FRMD5: variants seen among roughly 807,000 people sequenced by gnomAD.
FRMD5 encodes the protein FERM domain-containing protein 5.
In FRMD5, 20 loss-of-function variants were observed where a neutral mutation model predicts 69.0. The ratio of observed to expected loss-of-function variants is 0.29; its 90% CI spans 0.20 to 0.42. The LOEUF (loss-of-function observed/expected upper bound fraction) is 0.42, where lower values mean the gene tolerates loss of function less well. Ranked by LOEUF, FRMD5 falls within the 10% of genes least tolerant of loss-of-function variation. FRMD5 has a pLI of 1.00. For missense variants in FRMD5, 595 were observed against 708.6 expected (o/e 0.84, Z 1.82); for synonymous variants, 271 against 260.1 (o/e 1.04, Z -0.40).
chr15:44,109,193 A>G (rs183783064), intron 1 of FRMD5, among the ~76,000 whole-genome samples: 1 of 152,136 alleles, frequency 6.6e-6, no homozygotes, highest in Admixed American at 6.5e-5. Context: ...CATCACATTA[A>G]CTATGAAGTA....
At chr15:43,950,413 G>A (rs2090008742) in intron 1 of FRMD5, among the ~76,000 whole-genome samples, 1 of 152,180 alleles carries the variant, frequency 6.6e-6, no homozygotes, top group African/African-American at 2.4e-5. Flanking sequence ...TAGACAAACA[G>A]CCATGCTTAA....
At chr15:43,947,889 G>A (rs926627285) in intron 1 of FRMD5, among the ~76,000 whole-genome samples, 1 of 152,180 alleles carries the variant, frequency 6.6e-6, no homozygotes, top group African/African-American at 2.4e-5. Flanking sequence ...AAGCTAACGA[G>A]TAGCCAAGCT....
chr15:43,927,682 C>G (rs1036767660), intron 1 of FRMD5, among the ~76,000 whole-genome samples: 4 of 151,398 alleles, frequency 2.6e-5, no homozygotes, highest in African/African-American at 9.7e-5. Flanking sequence ...CTTTTCTCTA[C>G]AAATTTTACT....
At chr15:44,065,448 A>G (rs1893268620) in intron 1 of FRMD5, among the ~76,000 whole-genome samples, 1 of 152,196 alleles carries the variant, frequency 6.6e-6, no homozygotes, top group Non-Finnish European at 1.5e-5. Flanking sequence ...ATAAAACAAA[A>G]TCACTTTAAG....
chr15:43,989,139 G>T lies in FRMD5; in HGVS notation c.103-64830C>A. 5 of 979,652 alleles carry T rather than the reference G, an allele frequency of 5.1e-6. No homozygotes were observed. The Admixed American group carries it at 8.5e-5, about 17-fold the overall frequency. 60.7% of individuals were successfully genotyped at this position (979,652 alleles called of 1,614,324 possible). ...TGCTGATCCACATCTGCTGGACGGT[G>T]GACAGCCAGGCCAGGATGGAGCTGC... On this transcript the variant is annotated intron_variant, in intron 1 of 13. Transcript: ENST00000417257.
At chr15:43,882,372 T>C (rs1325195424) in intron 13 of FRMD5, among the ~76,000 whole-genome samples, 6 of 152,146 alleles carry the variant, frequency 3.9e-5, no homozygotes, top group Non-Finnish European at 8.8e-5. Flanking sequence ...CTTTCTTTTT[T>C]TTTTGAGATG....
chr15:44,045,080 T>A lies in FRMD5; in HGVS notation c.103-120771A>T, dbSNP rs561783813. On this transcript the variant is annotated intron_variant, in intron 1 of 13. Coordinates refer to ENST00000417257, the MANE Select transcript of FRMD5 (RefSeq NM_032892.5). ...TATAATTCAGATGTGGAGAGAAAAA[T>A]AAAATTTCTTCATTTCATTTAGAAC... Among the ~76,000 whole-genome samples the A allele has an allele frequency of 2.0e-5, 3 of 152,274 alleles. No homozygotes were observed. The South Asian group carries it at 6.2e-4, about 32-fold the overall frequency.
At chr15:44,044,994 C>T (rs1450826990) in intron 1 of FRMD5, among the ~76,000 whole-genome samples, 1 of 152,178 alleles carries the variant, frequency 6.6e-6, no homozygotes, top group Non-Finnish European at 1.5e-5. Flanking sequence ...TCCCAGACTG[C>T]TTTAAAGACT....
At chr15:44,108,286 A>G (rs1463892635) in intron 1 of FRMD5, among the ~76,000 whole-genome samples, 2 of 152,164 alleles carry the variant, frequency 1.3e-5, no homozygotes, top group Non-Finnish European at 2.9e-5. Flanking sequence ...TGGAAGGATC[A>G]GAGGATCACC....
intron 1 of FRMD5, among the ~76,000 whole-genome samples, chr15:44,136,990 A>G (rs2140434747): frequency 6.6e-6 from 1 of 152,232 alleles, no homozygotes; most frequent in East Asian, 1.9e-4. Flanking sequence ...GTTAGAGTTC[A>G]ATTGCAGGTA....
In FRMD5 at chr15:44,065,489, C is replaced by T. The variant is rs372014719; in HGVS notation, c.102+129464G>A. Among the ~76,000 whole-genome samples, 14 of 152,094 alleles carry T rather than the reference C, an allele frequency of 9.2e-5. No homozygotes were observed. The East Asian group carries it at 1.9e-3, about 21-fold the overall frequency. ...CAACCCAAACAGGTAAATATTTAAT[C>T]GATTTAGTGTCATTTGAACACTCAA... is the stretch of plus-strand genomic sequence containing the variant. On this transcript the variant is annotated intron_variant, in intron 1 of 13. Transcript: ENST00000417257.
chr15:43,989,642 G>C lies in FRMD5; in HGVS notation c.103-65333C>G, dbSNP rs1331810525. Reference sequence around the variant, plus strand: ...GAGGTAGTCAGTCAGGTCCTGACCAGCCAGGCACACACGCAGGATGGCATG... The same window carrying C: ...GAGGTAGTCAGTCAGGTCCTGACCACCCAGGCACACACGCAGGATGGCATG... On this transcript the variant is annotated intron_variant, in intron 1 of 13. Transcript: ENST00000417257. 4 of 884,004 alleles carry C rather than the reference G, an allele frequency of 4.5e-6. No homozygotes were observed. The African/African-American group carries it at 6.6e-5, about 15-fold the overall frequency. The allele number at this position is 884,004 out of a possible 1,614,324, so 54.8% of individuals were successfully genotyped here.
At chr15:44,089,696 C>T (rs1285113669) in intron 1 of FRMD5, among the ~76,000 whole-genome samples, 1 of 151,806 alleles carries the variant, frequency 6.6e-6, no homozygotes, top group Non-Finnish European at 1.5e-5. Context: ...GAGCCAGATC[C>T]TACGTCAAAA....
At chr15:44,154,873 A>C (rs1188722541) in intron 1 of FRMD5, among the ~76,000 whole-genome samples, 1 of 152,190 alleles carries the variant, frequency 6.6e-6, no homozygotes, top group Non-Finnish European at 1.5e-5. Flanking sequence ...TACAACTCTG[A>C]ATACCTTAAA....
At chr15:44,080,103 T>TTA (rs1290920344) in intron 1 of FRMD5, among the ~76,000 whole-genome samples, 6 of 152,172 alleles carry the variant, frequency 3.9e-5, no homozygotes, top group South Asian at 4.2e-4. Context: ...AATGCTTATG[T>TTA]TATATATATA....
chr15:44,081,388 A>T (rs1893991074), intron 1 of FRMD5, among the ~76,000 whole-genome samples: 1 of 152,166 alleles, frequency 6.6e-6, no homozygotes, highest in South Asian at 2.1e-4. Context: ...TCTGTTACAC[A>T]TACAGAAAGA....
At position 43,909,992 on chromosome 15, in the gene FRMD5, CAG is replaced by C; in HGVS notation, c.330-15_330-14del. ...GAAGACTAAATACCTGGAGAGAAAA[CAG>C]AGAATAAACTATAAAGGATTTCTTT... On this transcript the variant is annotated splice_polypyrimidine_tract_variant and intron_variant, in intron 4 of 13. Coordinates refer to ENST00000417257, the MANE Select transcript of FRMD5 (RefSeq NM_032892.5). 2.1e-6 allele frequency: 3 copies of C among 1,441,730 alleles called. No individual in the cohort carries two copies. The highest frequency in any genetic ancestry group is 2.3e-5 in the East Asian group (1 of 44,000). 89.3% of individuals were successfully genotyped at this position (1,441,730 alleles called of 1,614,324 possible). A position where few individuals can be genotyped will look rare whatever the true frequency, so the allele number is the denominator to read the frequency against.
chr15:44,128,990 T>C (rs2077062190), intron 1 of FRMD5, among the ~76,000 whole-genome samples: 1 of 152,196 alleles, frequency 6.6e-6, no homozygotes, highest in African/African-American at 2.4e-5. Flanking sequence ...AGTGGAGGTC[T>C]GAAGCTCTTT....
intron 1 of FRMD5, among the ~76,000 whole-genome samples, chr15:43,941,471 A>T (rs1433386353): frequency 1.3e-5 from 2 of 152,186 alleles, no homozygotes; most frequent in East Asian, 1.9e-4. Context: ...GAGCTTCCAT[A>T]GCATTCTGGA....
Sources: allele counts gnomAD v4.1 joint callset (sites outside exome capture counted in the v4.1 genomes callset), GRCh38; gene constraint gnomAD v4.1.1; transcripts MANE v1.5; gene names NCBI Gene and HGNC (gene_info 2026-07-23, HGNC 2026-07-21).